The following TAFA1 variants were observed in gnomAD, a reference collection of about 807,000 sequenced individuals.
The protein encoded by TAFA1 is chemokine-like protein TAFA-1.
A neutral mutation model predicts 18.5 loss-of-function variants in TAFA1; 4 were observed. The ratio of observed to expected loss-of-function variants is 0.22; its 90% CI spans 0.11 to 0.49. The LOEUF is 0.49. Ranked by LOEUF, TAFA1 falls within the 20% of genes least tolerant of loss-of-function variation. TAFA1 has a pLI of 0.98. For synonymous variants in TAFA1, 56 were observed against 55.2 expected, an observed-to-expected ratio of 1.01 and a Z score of -0.06; for missense variants, 147 against 169.0, an observed-to-expected ratio of 0.87 and a Z score of 0.72.
intron 2 of TAFA1, among the ~76,000 whole-genome samples, chr3:68,127,004 T>A (rs1456338437): frequency 6.6e-6 from 1 of 152,198 alleles, no homozygotes; most frequent in Non-Finnish European, 1.5e-5. Flanking sequence ...AGATACTGAT[T>A]GAGAAGAATT....
At chr3:68,356,407 G>T (rs145529783) in intron 2 of TAFA1, among the ~76,000 whole-genome samples, 1 of 151,820 alleles carries the variant, frequency 6.6e-6, no homozygotes, top group African/African-American at 2.4e-5. Context: ...CGGATGCTTG[G>T]GTTCTTTCTT....
chr3:68,066,082 TA>T (rs1411824868), intron 2 of TAFA1, among the ~76,000 whole-genome samples: 2 of 152,112 alleles, frequency 1.3e-5, no homozygotes, highest in East Asian at 3.9e-4. Context: ...GGGGGTTGGA[TA>T]GAGATTATAA....
At chr3:68,027,934 G>T (rs1258089355) in intron 2 of TAFA1, among the ~76,000 whole-genome samples, 2 of 152,168 alleles carry the variant, frequency 1.3e-5, no homozygotes, top group African/African-American at 4.8e-5. Flanking sequence ...ACTGAAGAGG[G>T]TTTTTGGCTT....
chr3:68,003,529 T>C (rs1704308290), upstream of TAFA1, among the ~76,000 whole-genome samples: 1 of 152,190 alleles, frequency 6.6e-6, no homozygotes, highest in South Asian at 2.1e-4. Context: ...TTTCAGAGAA[T>C]TATTACCAGC....
At chr3:68,199,071 T>C (rs934966228) in intron 2 of TAFA1, among the ~76,000 whole-genome samples, 3 of 151,606 alleles carry the variant, frequency 2.0e-5, no homozygotes, top group South Asian at 2.1e-4. Flanking sequence ...TGTGCCTTGA[T>C]TGATTGATTT....
At chr3:68,218,819 G>A (rs931323449) in intron 2 of TAFA1, among the ~76,000 whole-genome samples, 4 of 152,080 alleles carry the variant, frequency 2.6e-5, no homozygotes, top group African/African-American at 7.2e-5. Context: ...TGAATAAATG[G>A]CCACTGAATT....
At chr3:68,106,174 C>T (rs751875464) in intron 2 of TAFA1, among the ~76,000 whole-genome samples, 18 of 151,292 alleles carry the variant, frequency 1.2e-4, no homozygotes, top group South Asian at 6.2e-4. Flanking sequence ...AAAAAAAGAA[C>T]GAACGAAACC....
intron 2 of TAFA1, among the ~76,000 whole-genome samples, chr3:68,052,109 A>G (rs987597599): frequency 6.6e-6 from 1 of 152,140 alleles, no homozygotes; most frequent in Non-Finnish European, 1.5e-5. Context: ...TGATTTCATG[A>G]TTTTTGAAAT....
At chr3:68,252,127 T>C (rs1002260829) in intron 2 of TAFA1, among the ~76,000 whole-genome samples, 1 of 152,172 alleles carries the variant, frequency 6.6e-6, no homozygotes, top group Non-Finnish European at 1.5e-5. Context: ...TCTCATCTTC[T>C]TCCTTGATCC....
At chr3:68,081,898 G>C (rs62135247) in intron 2 of TAFA1, among the ~76,000 whole-genome samples, 14 of 151,854 alleles carry the variant, frequency 9.2e-5, no homozygotes, top group Non-Finnish European at 1.5e-4. Context: ...AATGGCGGGC[G>C]CCCCTCTCCC....
At chr3:68,067,309 C>A (rs1026976749) in intron 2 of TAFA1, among the ~76,000 whole-genome samples, 1 of 152,144 alleles carries the variant, frequency 6.6e-6, no homozygotes, top group Non-Finnish European at 1.5e-5. Context: ...GTTAAACACT[C>A]CCATTCCTTC....
intron 3 of TAFA1, among the ~76,000 whole-genome samples, chr3:68,427,806 C>A (rs2071085905): frequency 6.6e-6 from 1 of 151,880 alleles, no homozygotes; most frequent in Non-Finnish European, 1.5e-5. Flanking sequence ...ATAATGGGGG[C>A]AGGTTTTCCC....
chr3:68,234,507 A>G (rs962101624), intron 2 of TAFA1, among the ~76,000 whole-genome samples: 2 of 152,182 alleles, frequency 1.3e-5, no homozygotes, highest in Admixed American at 6.5e-5. Flanking sequence ...CTCTGAGTGC[A>G]ATGAAAGTAT....
chr3:68,267,925 C>G (rs1295241296), intron 2 of TAFA1, among the ~76,000 whole-genome samples: 1 of 152,100 alleles, frequency 6.6e-6, no homozygotes, highest in Non-Finnish European at 1.5e-5. Flanking sequence ...CTGCTAGATG[C>G]TACTATAAAT....
chr3:68,041,550 A>G (rs1705165330), intron 2 of TAFA1, among the ~76,000 whole-genome samples: 1 of 152,194 alleles, frequency 6.6e-6, no homozygotes, highest in Non-Finnish European at 1.5e-5. Context: ...CTGGGTTGAA[A>G]AGGTTTGGAA....
chr3:68,399,311 G>C (rs1456708368), intron 2 of TAFA1, among the ~76,000 whole-genome samples: 1 of 152,158 alleles, frequency 6.6e-6, no homozygotes, highest in Non-Finnish European at 1.5e-5. Context: ...CCCTGTTTGA[G>C]AGATTGCTGA....
chr3:68,377,777 T>C (rs1333695104), intron 2 of TAFA1, among the ~76,000 whole-genome samples: 1 of 152,006 alleles, frequency 6.6e-6, no homozygotes, highest in East Asian at 1.9e-4. Flanking sequence ...GTGATTTGGG[T>C]CCAGAGTCCT....
intron 2 of TAFA1, among the ~76,000 whole-genome samples, chr3:68,011,154 C>G (rs565478490): frequency 4.0e-5 from 6 of 151,636 alleles, no homozygotes; most frequent in African/African-American, 1.2e-4. Context: ...GGTGGGTGTC[C>G]TTGAAACTTA....
At chr3:68,319,357 C>A (rs2068661257) in intron 2 of TAFA1, among the ~76,000 whole-genome samples, 1 of 152,182 alleles carries the variant, frequency 6.6e-6, no homozygotes, top group African/African-American at 2.4e-5. Flanking sequence ...TTCCCCCACC[C>A]CAGGGACATT....
Sources: gnomAD v4.1 joint callset for allele counts (sites outside exome capture counted in the v4.1 genomes callset) on GRCh38, gnomAD v4.1.1 for gene constraint, MANE v1.5 for transcripts, NCBI Gene and HGNC (gene_info 2026-07-23, HGNC 2026-07-21) for gene names.